The following ENOX1 variants were observed in gnomAD, a reference collection of about 807,000 sequenced individuals.
ENOX1 encodes candidate growth-related and time keeping constitutive hydroquinone (NADH) oxidase.
Under a neutral mutation model 82.5 loss-of-function variants are expected in ENOX1, and 42 were observed. The ratio of observed to expected loss-of-function variants is 0.51; its 90% CI spans 0.40 to 0.66. ENOX1 has a LOEUF of 0.66. Ranked by LOEUF, ENOX1 falls within the 30% of genes least tolerant of loss-of-function variation. ENOX1 has a pLI of 0.00. For synonymous variants in ENOX1, 271 were observed against 282.2 expected, an observed-to-expected ratio of 0.96 and a Z score of 0.40; for missense variants, 608 against 811.6, an observed-to-expected ratio of 0.75 and a Z score of 3.05.
chr13:43,276,024 C>T (rs2045007182), intron 12 of ENOX1, among the ~76,000 whole-genome samples: 1 of 152,078 alleles, frequency 6.6e-6, no homozygotes, highest in Non-Finnish European at 1.5e-5. Context: ...ATATTTGAAC[C>T]CACAGAATGT....
intron 3 of ENOX1, among the ~76,000 whole-genome samples, chr13:43,433,145 C>A (rs908686285): frequency 3.3e-5 from 5 of 152,088 alleles, no homozygotes; most frequent in Non-Finnish European, 7.4e-5. Context: ...GGCATGGTGC[C>A]AACATCTGCT....
intron 3 of ENOX1, among the ~76,000 whole-genome samples, chr13:43,478,054 G>GTTTTTTT (rs756717438): frequency 4.0e-5 from 4 of 100,448 alleles, no homozygotes; most frequent in African/African-American, 1.6e-4. Context: ...AGCCAGAGAG[G>GTTTTTTT]TTTTTTTTTT....
intron 2 of ENOX1, among the ~76,000 whole-genome samples, chr13:43,598,921 G>GT (rs1319862046): frequency 6.6e-6 from 1 of 152,260 alleles, no homozygotes; most frequent in Admixed American, 6.5e-5. Context: ...TAACTCTTTG[G>GT]TAAGTAAAAG....
At chr13:43,672,562 C>T (rs1043075448) in intron 1 of ENOX1, among the ~76,000 whole-genome samples, 1 of 152,112 alleles carries the variant, frequency 6.6e-6, no homozygotes, top group Non-Finnish European at 1.5e-5. Flanking sequence ...GCATCAGCCA[C>T]GAACTTAGGT....
chr13:43,316,825 A>G (rs908347873), intron 11 of ENOX1, among the ~76,000 whole-genome samples: 1 of 151,944 alleles, frequency 6.6e-6, no homozygotes, highest in African/African-American at 2.4e-5. Context: ...TTTGCAAATG[A>G]AACTCTGTTT....
Position 43,214,092 on chromosome 13 carries a change from C to G in ENOX1, c.1830G>C (p.Leu610Phe). ...GTTTGAACATGCGTGGCAGCCTCAT[C>G]AAAAGCATTTCTATTTCATTTGCAG... The part of the protein sequence containing the change: ...KISANEIEML[L>F]MRLPRMFKQE... The change falls in exon 17 of 17, where the codon TTG becomes TTC. Residue 610 changes from leucine (L) to phenylalanine (F), a missense_variant. Coordinates refer to ENST00000690772, the MANE Select transcript of ENOX1 (RefSeq NM_001347969.2). 6.2e-7 allele frequency: 1 copy of G among 1,613,044 alleles called. No individual in the cohort carries two copies. The highest frequency in any genetic ancestry group is 8.5e-7 in the Non-Finnish European group (1 of 1,179,432).
chr13:43,566,176 G>A (rs1325546418), intron 2 of ENOX1, among the ~76,000 whole-genome samples: 5 of 152,120 alleles, frequency 3.3e-5, no homozygotes, highest in Non-Finnish European at 5.9e-5. Flanking sequence ...GGGGATGTTA[G>A]TGTTTACATT....
chr13:43,375,914 C>T (rs569090779), intron 5 of ENOX1, among the ~76,000 whole-genome samples: 36 of 152,316 alleles, frequency 2.4e-4, no homozygotes, highest in Admixed American at 1.4e-3. Context: ...CATTCCAGAT[C>T]GGTAGGCCTC....
At chr13:43,268,170 G>GA (rs937031750) in intron 13 of ENOX1, among the ~76,000 whole-genome samples, 2 of 151,764 alleles carry the variant, frequency 1.3e-5, no homozygotes, top group South Asian at 2.1e-4. Flanking sequence ...CTATCTAAAA[G>GA]AAAAAAAATC....
chr13:43,727,184 C>T (rs976617116), intron 1 of ENOX1, among the ~76,000 whole-genome samples: 3 of 152,182 alleles, frequency 2.0e-5, no homozygotes, highest in Admixed American at 6.5e-5. Flanking sequence ...AGATGTCCCC[C>T]AAATGAGGTT....
intron 14 of ENOX1, among the ~76,000 whole-genome samples, chr13:43,260,265 T>G (rs138069058): frequency 6.6e-6 from 1 of 152,360 alleles, no homozygotes; most frequent in East Asian, 1.9e-4. Flanking sequence ...CGTGAAAAAC[T>G]GAAAAGTCTT....
chr13:43,588,666 G>C (rs1422993233), intron 2 of ENOX1, among the ~76,000 whole-genome samples: 1 of 152,150 alleles, frequency 6.6e-6, no homozygotes, highest in Admixed American at 6.5e-5. Flanking sequence ...GTGTCAGATA[G>C]ACTACACTAG....
chr13:43,509,460 A>C (rs1445661420), intron 2 of ENOX1, among the ~76,000 whole-genome samples: 1 of 152,104 alleles, frequency 6.6e-6, no homozygotes, highest in African/African-American at 2.4e-5. Context: ...TTTCTAGGAC[A>C]TAATACCTCT....
At chr13:43,619,074 G>C (rs1341952617) in intron 2 of ENOX1, among the ~76,000 whole-genome samples, 2 of 148,120 alleles carry the variant, frequency 1.4e-5, no homozygotes, top group Non-Finnish European at 3.0e-5. Context: ...CTACTGATTT[G>C]TGTATATTAA....
At chr13:43,232,470 C>T (rs966564431) in intron 15 of ENOX1, among the ~76,000 whole-genome samples, 2 of 152,210 alleles carry the variant, frequency 1.3e-5, no homozygotes, top group African/African-American at 4.8e-5. Context: ...ATAGCCTCAA[C>T]TTTATTCACT....
intron 1 of ENOX1, among the ~76,000 whole-genome samples, chr13:43,689,567 G>A (rs180794225): frequency 5.5e-4 from 83 of 152,230 alleles, no homozygotes; most frequent in African/African-American, 1.8e-3. Context: ...TCAGCTTCTC[G>A]AAAAAGCCAG....
intron 14 of ENOX1, among the ~76,000 whole-genome samples, chr13:43,261,459 A>G (rs2044054456): frequency 6.6e-6 from 1 of 152,318 alleles, no homozygotes; most frequent in African/African-American, 2.4e-5. Context: ...AGATTTATGG[A>G]TATGTTAATT....
intron 2 of ENOX1, among the ~76,000 whole-genome samples, chr13:43,578,231 T>C (rs762178336): frequency 1.1e-4 from 17 of 152,134 alleles, no homozygotes; most frequent in Non-Finnish European, 2.2e-4. Context: ...TACATGACAG[T>C]GGATAGGGCC....
chr13:43,590,821 A>C (rs1381447053), intron 2 of ENOX1, among the ~76,000 whole-genome samples: 1 of 152,138 alleles, frequency 6.6e-6, no homozygotes, highest in Non-Finnish European at 1.5e-5. Context: ...CAAAAGATAA[A>C]GACAACCCAA....
Sources: gnomAD v4.1 joint callset for allele counts (sites outside exome capture counted in the v4.1 genomes callset) on GRCh38, gnomAD v4.1.1 for gene constraint, MANE v1.5 for transcripts, NCBI Gene and HGNC (gene_info 2026-07-23, HGNC 2026-07-21) for gene names.